The following WWTR1 variants were observed in gnomAD, a reference collection of about 807,000 sequenced individuals.
WWTR1 encodes WW domain-containing transcription regulator protein 1.
Under a neutral mutation model 40.1 loss-of-function variants are expected in WWTR1, and 13 were observed. The observed-to-expected ratio is 0.32, with a 90% confidence interval of 0.21 to 0.52. WWTR1 has a LOEUF of 0.52. Ranked by LOEUF, WWTR1 falls within the 20% of genes least tolerant of loss-of-function variation. The pLI is 0.97. For synonymous variants in WWTR1, 230 were observed against 210.1 expected, an observed-to-expected ratio of 1.09 and a Z score of -0.82; for missense variants, 436 against 523.1, an observed-to-expected ratio of 0.83 and a Z score of 1.63.
chr3:149,680,840 T>C (rs552836628), intron 1 of WWTR1, among the ~76,000 whole-genome samples: 2 of 152,288 alleles, frequency 1.3e-5, no homozygotes, highest in African/African-American at 4.8e-5. Flanking sequence ...AGGCCCTGTC[T>C]CTGAAATAAA....
intron 2 of WWTR1, among the ~76,000 whole-genome samples, chr3:149,649,571 A>C (rs1712727815): frequency 6.6e-6 from 1 of 152,172 alleles, no homozygotes; most frequent in Non-Finnish European, 1.5e-5. Flanking sequence ...ACATTAAATA[A>C]AAGCTAGAAG....
chr3:149,569,695 A>G (rs1015238773), intron 3 of WWTR1, among the ~76,000 whole-genome samples: 16 of 152,242 alleles, frequency 1.1e-4, no homozygotes, highest in Non-Finnish European at 1.9e-4. Context: ...GTATTTTGAC[A>G]TCCTTTTCAC....
chr3:149,598,210 G>A (rs138073446), intron 2 of WWTR1, among the ~76,000 whole-genome samples: 53 of 152,300 alleles, frequency 3.5e-4, no homozygotes, highest in East Asian at 3.3e-3. Context: ...CAGTGCAAAC[G>A]TAACAGAAGA....
At chr3:149,543,149 A>AGG (rs1736199544) in intron 3 of WWTR1, among the ~76,000 whole-genome samples, 1 of 152,254 alleles carries the variant, frequency 6.6e-6, no homozygotes, top group African/African-American at 2.4e-5. Flanking sequence ...GTTTCTTCAA[A>AGG]GGGAGAAATT....
chr3:149,657,896 G>A lies in WWTR1; in HGVS notation c.-135C>T, dbSNP rs1415069465. 1 of 153,278 alleles carries A rather than the reference G, an allele frequency of 6.5e-6. No individual in the cohort carries two copies. The highest frequency in any genetic ancestry group is 1.4e-5 in the Non-Finnish European group (1 of 68,966). The allele number at this position is 153,278 out of a possible 1,614,324, so 9.5% of individuals were successfully genotyped here. A position where few individuals can be genotyped will look rare whatever the true frequency, so the allele number is the denominator to read the frequency against. Reference sequence around the variant, plus strand: ...AGCCGAGGCTTGGCTGACAAATCCCGACCCGACTCTGTGCCTGGCAGTCTA... The same window carrying A: ...AGCCGAGGCTTGGCTGACAAATCCCAACCCGACTCTGTGCCTGGCAGTCTA... On this transcript the variant is annotated 5_prime_UTR_variant, in exon 1 of 7. Transcript: ENST00000360632.
intron 2 of WWTR1, among the ~76,000 whole-genome samples, chr3:149,645,637 T>C (rs999138777): frequency 6.6e-6 from 1 of 152,238 alleles, no homozygotes; most frequent in African/African-American, 2.4e-5. Flanking sequence ...TTGGGTTTTC[T>C]CCTTTCTGAT....
chr3:149,620,569 C>G (rs1740221098), intron 2 of WWTR1, among the ~76,000 whole-genome samples: 1 of 150,440 alleles, frequency 6.6e-6, no homozygotes, highest in Non-Finnish European at 1.5e-5. Context: ...ACCGCTCCCC[C>G]CCACACACAC....
rs1278018515 is a variant in WWTR1 at position 149,657,019 on chromosome 3, C to T, written c.288G>A (p.Leu96=). 6.3e-7 allele frequency: 1 copy of T among 1,595,032 alleles called. No individual in the cohort carries two copies. The highest frequency in any genetic ancestry group is 8.5e-7 in the Non-Finnish European group (1 of 1,175,436). ...RSHSSPASLQ[L]GTGAGAAGSP... ...TACCCGCAGCACCCGCGCCGGTGCCCAGCTGCAGGGACGCGGGCGACGAGT... is the reference window on the plus strand; with the variant it reads ...TACCCGCAGCACCCGCGCCGGTGCCTAGCTGCAGGGACGCGGGCGACGAGT... Residue 96 remains leucine, a synonymous_variant, in exon 2 of 7, where the codon CTG becomes CTA. Coordinates refer to ENST00000360632, the MANE Select transcript of WWTR1 (RefSeq NM_015472.6).
intron 2 of WWTR1, among the ~76,000 whole-genome samples, chr3:149,628,186 C>T (rs180731126): frequency 9.9e-5 from 15 of 151,798 alleles, no homozygotes; most frequent in South Asian, 2.1e-4. Context: ...TTGGCTAACA[C>T]GGTGAAACCC....
intron 1 of WWTR1, among the ~76,000 whole-genome samples, chr3:149,698,583 C>A (rs79558701): frequency 4.6e-5 from 7 of 152,226 alleles, no homozygotes; most frequent in Non-Finnish European, 1.0e-4. Context: ...GGACTGGAAT[C>A]CACATCTCCC....
chr3:149,536,685 G>A (rs1310597538), intron 4 of WWTR1, among the ~76,000 whole-genome samples: 1 of 151,324 alleles, frequency 6.6e-6, no homozygotes, highest in Non-Finnish European at 1.5e-5. Flanking sequence ...TTGCCCCGGC[G>A]ACCCGAGGCC....
At chr3:149,661,837 A>G (rs886183179), upstream of WWTR1, among the ~76,000 whole-genome samples, 2 of 150,156 alleles carry the variant, frequency 1.3e-5, no homozygotes, top group African/African-American at 4.9e-5. Flanking sequence ...GGTTCAAGCG[A>G]TTCTCCTGCC....
intron 2 of WWTR1, among the ~76,000 whole-genome samples, chr3:149,645,700 T>G (rs1712477608): frequency 6.6e-6 from 1 of 152,200 alleles, no homozygotes; most frequent in African/African-American, 2.4e-5. Context: ...CAGGTGCCCC[T>G]TTGAAAACCT....
In WWTR1 at chr3:149,657,241, C is replaced by T; in HGVS notation, c.66G>A (p.Gln22=). ...PPGQQVIHVT[Q]DLDTDLEALF... ...GGGCTTCGAGGTCTGTGTCTAGGTC[C>T]TGCGTGACGTGGATCACTTGCTGCC... The change falls in exon 2 of 7, where the codon CAG becomes CAA. Residue 22 remains glutamine (Q), a synonymous_variant. Coordinates refer to ENST00000360632, the MANE Select transcript of WWTR1 (RefSeq NM_015472.6). The T allele has an allele frequency of 2.5e-6, 4 of 1,613,320 alleles. No individual in the cohort carries two copies. Among genetic ancestry groups the T allele is most frequent in the Non-Finnish European group, 3.4e-6 (4 of 1,179,756 alleles).
At chr3:149,687,002 G>GGCAA (rs1714677702) in intron 1 of WWTR1, among the ~76,000 whole-genome samples, 1 of 152,078 alleles carries the variant, frequency 6.6e-6, no homozygotes, top group Non-Finnish European at 1.5e-5. Context: ...TTGCCCTCAG[G>GGCAA]AATATGTTTG....
intron 4 of WWTR1, among the ~76,000 whole-genome samples, chr3:149,538,243 TA>T (rs558431973): frequency 4.6e-5 from 7 of 152,194 alleles, no homozygotes; most frequent in East Asian, 1.9e-4. Flanking sequence ...TTTTTCTACT[TA>T]AAAAAACTCA....
chr3:149,676,952 CTT>C (rs978980969), intron 1 of WWTR1, among the ~76,000 whole-genome samples: 19 of 150,326 alleles, frequency 1.3e-4, no homozygotes, highest in Non-Finnish European at 2.2e-4. Flanking sequence ...GAGTTTCCCT[CTT>C]GTTACTCAGG....
intron 3 of WWTR1, among the ~76,000 whole-genome samples, chr3:149,546,971 T>C (rs1560054184): frequency 6.6e-6 from 1 of 152,152 alleles, no homozygotes; most frequent in Non-Finnish European, 1.5e-5. Flanking sequence ...CTTGCCACTA[T>C]GCTCCCTCTA....
intron 2 of WWTR1, among the ~76,000 whole-genome samples, chr3:149,619,881 C>T (rs570136555): frequency 3.5e-4 from 53 of 152,198 alleles, no homozygotes; most frequent in African/African-American, 1.3e-3. Flanking sequence ...TATCAATGGT[C>T]TCGTTCTCTC....
Sources: gnomAD v4.1 joint callset for allele counts (sites outside exome capture counted in the v4.1 genomes callset) on GRCh38, gnomAD v4.1.1 for gene constraint, MANE v1.5 for transcripts, NCBI Gene and HGNC (gene_info 2026-07-23, HGNC 2026-07-21) for gene names.